PCDHGA6: variants seen among roughly 807,000 people sequenced by gnomAD.
PCDHGA6 encodes the protein protocadherin gamma-A6.
A neutral mutation model predicts 60.6 loss-of-function variants in PCDHGA6; 41 were observed. The observed-to-expected ratio is 0.68, with a 90% CI of 0.53 to 0.88. The LOEUF is 0.88. PCDHGA6 is among the 40% of genes least tolerant of loss of function. The pLI, the probability that PCDHGA6 is intolerant of heterozygous loss-of-function variation, is 0.00. For synonymous variants in PCDHGA6, 594 were observed against 524.4 expected (o/e 1.13, Z -1.81); for missense variants, 1,312 against 1,203.0 (o/e 1.09, Z -1.34).
chr5:141,498,045 A>G (rs1368474174), intron 2 of PCDHGA6, among the ~76,000 whole-genome samples: 4 of 152,256 alleles, frequency 2.6e-5, no homozygotes, highest in Non-Finnish European at 4.4e-5. Flanking sequence ...AATTACAAAA[A>G]TAAATGTGAG....
chr5:141,384,524 T>C, intron 1 of PCDHGA6: 1 of 1,614,208 alleles, frequency 6.2e-7, no homozygotes. Context: ...GACCCGCCTC[T>C]CAGCAGCAAC....
Position 141,403,062 on chromosome 5 carries a change from A to G in PCDHGA6, c.2424+26555A>G, listed in dbSNP as rs780758422. On this transcript the variant is annotated intron_variant, in intron 1 of 3. Transcript: ENST00000517434. ...AGTCAGATTCGCTACTCAGTGCCTG[A>G]AGAGACAGAAAAGGGCTATATTGTG... is the stretch of plus-strand genomic sequence containing the variant. The G allele has an allele frequency of 7.4e-6, 12 of 1,613,964 alleles. 1 individual carries two copies. The South Asian group carries it at 1.1e-4, about 15-fold the overall frequency.
At chr5:141,423,757 G>C (rs562479446) in intron 1 of PCDHGA6, 29 of 395,138 alleles carry the variant, frequency 7.3e-5, no homozygotes, top group African/African-American at 6.1e-4. Flanking sequence ...GTTTGGGGGG[G>C]GGGTGGGGCG....
intron 1 of PCDHGA6, chr5:141,390,317 C>T: frequency 1.2e-6 from 2 of 1,610,390 alleles, no homozygotes; most frequent in Non-Finnish European, 1.7e-6. Context: ...ATGCTCATTG[C>T]CTACCCATTT....
chr5:141,471,562 G>T (rs2099259935), intron 1 of PCDHGA6: 1 of 152,136 alleles, frequency 6.6e-6, no homozygotes, highest in Non-Finnish European at 1.5e-5. Flanking sequence ...TTGACTCAGG[G>T]GTAGCAGTAG....
intron 1 of PCDHGA6, chr5:141,426,748 C>T: frequency 2.2e-6 from 1 of 455,172 alleles, no homozygotes; most frequent in African/African-American, 2.0e-5. Context: ...GGCCTGGAAT[C>T]TGCTATAGAT....
chr5:141,410,976 C>G (rs750121743), intron 1 of PCDHGA6: 28 of 178,158 alleles, frequency 1.6e-4, no homozygotes, highest in Non-Finnish European at 2.6e-4. Context: ...GCCTCAGCCT[C>G]CCAAGTAGCT....
chr5:141,418,125 G>C, intron 1 of PCDHGA6: 1 of 1,614,086 alleles, frequency 6.2e-7, no homozygotes. Flanking sequence ...GTGAAGGACC[G>C]AATAGACCGT....
chr5:141,409,116 A>G (rs1236625059), intron 1 of PCDHGA6: 1 of 1,614,034 alleles, frequency 6.2e-7, no homozygotes. Flanking sequence ...AAGAATAACC[A>G]GTCATTTGAT....
chr5:141,418,773 A>G, intron 1 of PCDHGA6: 2 of 1,613,904 alleles, frequency 1.2e-6, no homozygotes, highest in Non-Finnish European at 1.7e-6. Flanking sequence ...CTAACTCAGC[A>G]GCCTTTGGAT....
chr5:141,477,932 C>G lies in PCDHGA6; in HGVS notation c.2425-16875C>G, dbSNP rs1193822505. The G allele has an allele frequency of 3.1e-6, 5 of 1,614,040 alleles. No individual in the cohort carries two copies. The highest frequency in any genetic ancestry group is 4.2e-6 in the Non-Finnish European group (5 of 1,180,042). On this transcript the variant is annotated intron_variant, in intron 1 of 3. Transcript: ENST00000517434. This position sits in a 1 kb window ranked among gnomAD's most constrained non-coding sequence, Gnocchi z 4.9. ...CGCGGATGCAGGGCACAATGCCTGG[C>G]TCTCCTACAGTCTCTTGGGATCCCC... is the stretch of plus-strand genomic sequence containing the variant.
chr5:141,393,988 T>C (rs765412193), intron 1 of PCDHGA6: 1 of 1,613,578 alleles, frequency 6.2e-7, no homozygotes, highest in Non-Finnish European at 8.5e-7. Context: ...AATTTACCTT[T>C]TAAATTAGAA....
At chr5:141,473,974 C>A (rs958240236) in intron 1 of PCDHGA6, among the ~76,000 whole-genome samples, 1 of 152,054 alleles carries the variant, frequency 6.6e-6, no homozygotes, top group Non-Finnish European at 1.5e-5. Flanking sequence ...AAGTCTGAGG[C>A]GGGAGGATCC....
At chr5:141,399,834 G>A (rs375768001) in intron 1 of PCDHGA6, 3 of 1,613,004 alleles carry the variant, frequency 1.9e-6, no homozygotes, top group African/African-American at 2.7e-5. Flanking sequence ...ACGGCTCTGC[G>A]CTCTTCGATA....
intron 2 of PCDHGA6, among the ~76,000 whole-genome samples, chr5:141,497,132 G>T (rs2099774325): frequency 6.6e-6 from 1 of 152,046 alleles, no homozygotes; most frequent in Non-Finnish European, 1.5e-5. Context: ...GTTGCAGTGA[G>T]CTGAGATCAC....
intron 1 of PCDHGA6, chr5:141,388,282 T>A: frequency 6.2e-7 from 1 of 1,613,222 alleles, no homozygotes; most frequent in South Asian, 1.1e-5. Context: ...ACGCCAAAAT[T>A]CACGCAAAAT....
At chr5:141,399,080 G>A (rs1385144710) in intron 1 of PCDHGA6, 2 of 1,613,696 alleles carry the variant, frequency 1.2e-6, no homozygotes, top group Non-Finnish European at 1.7e-6. Flanking sequence ...GTAGAAGGGA[G>A]GGATGGTGGT....
chr5:141,397,510 C>T (rs979129643), intron 1 of PCDHGA6, among the ~76,000 whole-genome samples: 2 of 152,098 alleles, frequency 1.3e-5, no homozygotes, highest in African/African-American at 2.4e-5. Context: ...AAAATTGTTT[C>T]CATAGCTAAT....
At chr5:141,438,610 A>G (rs2098013566) in intron 1 of PCDHGA6, among the ~76,000 whole-genome samples, 1 of 30,060 alleles carries the variant, frequency 3.3e-5, no homozygotes, top group African/African-American at 2.4e-4. Flanking sequence ...ATATATATAT[A>G]TATATATATA....
Sources: gnomAD v4.1 joint callset for allele counts (sites outside exome capture counted in the v4.1 genomes callset) on GRCh38, gnomAD v4.1.1 for gene constraint, Gnocchi (gnomAD v3.1) non-coding constraint, MANE v1.5 for transcripts, NCBI Gene and HGNC (gene_info 2026-07-23, HGNC 2026-07-21) for gene names.